The following SCAPER variants were observed in gnomAD, a reference collection of about 807,000 sequenced individuals.
SCAPER encodes the protein S-phase cyclin A associated protein in the ER.
In SCAPER, 98 loss-of-function variants were observed where a neutral mutation model predicts 182.2. That is an observed-to-expected ratio of 0.54 (90% CI 0.46 to 0.64). SCAPER has a LOEUF of 0.64. Among genes scored for constraint, SCAPER ranks in the 30% least tolerant of loss-of-function variants. The pLI is 0.00. For synonymous variants in SCAPER, 605 were observed against 564.6 expected (o/e 1.07, Z -1.01); for missense variants, 1,432 against 1,690.0 (o/e 0.85, Z 2.68).
intron 24 of SCAPER, among the ~76,000 whole-genome samples, chr15:76,502,093 C>A (rs538931717): frequency 2.4e-4 from 36 of 152,252 alleles, no homozygotes; most frequent in African/African-American, 8.7e-4. Context: ...AGAGTCAATG[C>A]TGGATGCCCA....
intron 29 of SCAPER, among the ~76,000 whole-genome samples, chr15:76,373,620 C>T (rs1000124346): frequency 6.6e-6 from 1 of 152,160 alleles, no homozygotes; most frequent in African/African-American, 2.4e-5. Context: ...AAGCTGCCAT[C>T]TACTCCCCTG....
At chr15:76,634,565 T>C (rs1432237845) in intron 21 of SCAPER, among the ~76,000 whole-genome samples, 1 of 152,228 alleles carries the variant, frequency 6.6e-6, no homozygotes, top group Non-Finnish European at 1.5e-5. Context: ...TTAAGTCTTC[T>C]AAAGCATGAA....
chr15:76,753,139 C>T (rs914698398), intron 15 of SCAPER, among the ~76,000 whole-genome samples: 13 of 151,702 alleles, frequency 8.6e-5, no homozygotes, highest in African/African-American at 3.1e-4. Flanking sequence ...AATGAAAGTA[C>T]ACATCTGCAC....
chr15:76,892,746 T>C (rs1239687766), intron 1 of SCAPER, among the ~76,000 whole-genome samples: 2 of 152,214 alleles, frequency 1.3e-5, no homozygotes, highest in Non-Finnish European at 2.9e-5. Context: ...GTTCAACCAT[T>C]GTGGAAAACA....
Position 76,538,385 on chromosome 15 carries a change from C to G in SCAPER, c.2839-33411G>C, listed in dbSNP as rs1162412871. Among the ~76,000 whole-genome samples the G allele has an allele frequency of 6.8e-4, 102 of 150,116 alleles. 1 individual carries two copies. Among genetic ancestry groups the G allele is most frequent in the Admixed American group, 1.3e-3 (20 of 15,038 alleles). ...TATACACCATGGAATACTATGCAGC[C>G]ATAAAAAATGATGAGTTCATGTCCT... On this transcript the variant is annotated intron_variant, in intron 23 of 31. Coordinates refer to ENST00000563290, the MANE Select transcript of SCAPER (RefSeq NM_020843.4).
intron 15 of SCAPER, among the ~76,000 whole-genome samples, chr15:76,742,874 A>C (rs1349051663): frequency 6.6e-6 from 1 of 152,122 alleles, no homozygotes. Context: ...CTGGATTATT[A>C]GTACTTTTTG....
intron 17 of SCAPER, among the ~76,000 whole-genome samples, chr15:76,713,073 G>A (rs1327589725): frequency 1.3e-5 from 2 of 152,058 alleles, no homozygotes; most frequent in African/African-American, 4.8e-5. Flanking sequence ...TTGGCTGTGG[G>A]TTTGTCATAG....
chr15:76,766,645 A>T (rs1036251009), intron 11 of SCAPER, among the ~76,000 whole-genome samples: 1 of 152,144 alleles, frequency 6.6e-6, no homozygotes, highest in Non-Finnish European at 1.5e-5. Flanking sequence ...GCCCAGACTC[A>T]ATTTCTTGAC....
chr15:76,814,846 A>G (rs955775534), intron 5 of SCAPER, among the ~76,000 whole-genome samples: 2 of 152,212 alleles, frequency 1.3e-5, no homozygotes, highest in Non-Finnish European at 2.9e-5. Flanking sequence ...ACTGAGAAAA[A>G]TATTTGGAAA....
intron 1 of SCAPER, among the ~76,000 whole-genome samples, chr15:76,888,422 C>T (rs886564651): frequency 6.6e-6 from 1 of 152,042 alleles, no homozygotes; most frequent in East Asian, 1.9e-4. Context: ...AGCTCAAAAA[C>T]CTTGAAAAAA....
intron 22 of SCAPER, among the ~76,000 whole-genome samples, chr15:76,605,470 T>C (rs1278705305): frequency 6.6e-6 from 1 of 152,158 alleles, no homozygotes; most frequent in Non-Finnish European, 1.5e-5. Context: ...TCAAGAATAT[T>C]GGTCTAAAAT....
chr15:76,571,563 G>C (rs901669834), intron 23 of SCAPER, among the ~76,000 whole-genome samples: 8 of 152,082 alleles, frequency 5.3e-5, no homozygotes, highest in Admixed American at 1.3e-4. Flanking sequence ...ATAGTTCTCA[G>C]AACTTTAGAA....
chr15:76,548,281 T>C (rs966800307), intron 23 of SCAPER, among the ~76,000 whole-genome samples: 3 of 152,190 alleles, frequency 2.0e-5, no homozygotes, highest in Non-Finnish European at 2.9e-5. Context: ...ATAATCAGAA[T>C]TGCCTATTTT....
At chr15:76,580,133 A>G (rs772195984) in intron 22 of SCAPER, among the ~76,000 whole-genome samples, 1 of 152,156 alleles carries the variant, frequency 6.6e-6, no homozygotes, top group South Asian at 2.1e-4. Context: ...AATATCAACA[A>G]AGAAACACTG....
chr15:76,570,178 A>G (rs565172776), intron 23 of SCAPER, among the ~76,000 whole-genome samples: 4 of 152,148 alleles, frequency 2.6e-5, no homozygotes, highest in African/African-American at 7.2e-5. Context: ...AGCCACCTAC[A>G]TGATTTGAAA....
intron 15 of SCAPER, among the ~76,000 whole-genome samples, chr15:76,735,505 C>A (rs572723249): frequency 6.6e-6 from 1 of 151,422 alleles, no homozygotes; most frequent in South Asian, 2.1e-4. Flanking sequence ...TGAGACCAGC[C>A]TGGCCAACAC....
intron 2 of SCAPER, among the ~76,000 whole-genome samples, chr15:76,864,921 C>G (rs1228576582): frequency 1.3e-5 from 2 of 152,122 alleles, no homozygotes; most frequent in Non-Finnish European, 2.9e-5. Context: ...AACATACCCT[C>G]ACACATTTTT....
In SCAPER at chr15:76,666,750, T is replaced by C. The variant is rs371578855; in HGVS notation, c.2509-961A>G. ...TCTCCTAACCCCATCTCTCAGTTCA[T>C]GACTATGTTTATTTGATTAAGGAAA... On this transcript the variant is annotated intron_variant, in intron 20 of 31. Coordinates refer to ENST00000563290, the MANE Select transcript of SCAPER (RefSeq NM_020843.4). Among the ~76,000 whole-genome samples the C allele has an allele frequency of 2.3e-4, 35 of 152,316 alleles. No homozygotes were observed. In the East Asian group the frequency reaches 5.4e-3, roughly 23 times the overall value.
rs573032874 is a variant in SCAPER, at chr15:76,448,293, CT to C, written c.3079-13984del. 6.3e-3 allele frequency among the ~76,000 whole-genome samples: 958 copies of C among 152,044 alleles called. 8 individuals carry two copies. Among genetic ancestry groups the C allele is most frequent in the African/African-American group, 0.022 (903 of 41,454 alleles). On this transcript the variant is annotated intron_variant, in intron 25 of 31. Transcript: ENST00000563290. ...AGCAGGGAAGGAGGCTATTATATTA[CT>C]TAGAAATGAAAGATGATGGGAAATG... is the stretch of plus-strand genomic sequence containing the variant.
Sources: allele counts gnomAD v4.1 joint callset (sites outside exome capture counted in the v4.1 genomes callset), GRCh38; gene constraint gnomAD v4.1.1; transcripts MANE v1.5; gene names NCBI Gene and HGNC (gene_info 2026-07-23, HGNC 2026-07-21).